CTNNA2: variants seen among roughly 807,000 people sequenced by gnomAD.
CTNNA2 encodes catenin alpha-2.
In CTNNA2, 42 loss-of-function variants were observed where a neutral mutation model predicts 101.0. That is an observed-to-expected ratio of 0.42 (90% CI 0.32 to 0.54). The LOEUF (loss-of-function observed/expected upper bound fraction) is 0.54. Among genes scored for constraint, CTNNA2 ranks in the 20% least tolerant of loss-of-function variants. The pLI, the probability that CTNNA2 is intolerant of heterozygous loss-of-function variation, is 0.14. For missense variants in CTNNA2, 871 were observed against 1,223.1 expected (o/e 0.71, Z 4.29); for synonymous variants, 450 against 456.4 (o/e 0.99, Z 0.18).
At chr2:80,465,719 A>G (rs58549333) in intron 9 of CTNNA2, among the ~76,000 whole-genome samples, 52,767 of 152,054 alleles carry the variant, frequency 0.35, 9,986 homozygotes, top group East Asian at 0.66. Flanking sequence ...TTTCTTTTAA[A>G]TAAGGGACTA....
At chr2:79,841,872 A>T (rs1679843296) in intron 3 of CTNNA2, among the ~76,000 whole-genome samples, 1 of 152,218 alleles carries the variant, frequency 6.6e-6, no homozygotes, top group South Asian at 2.1e-4. Flanking sequence ...ACAGAACAAA[A>T]AGGATTTGGG....
At chr2:79,450,442 C>T (rs557884824) in intron 4 of CTNNA2, among the ~76,000 whole-genome samples, 1 of 152,034 alleles carries the variant, frequency 6.6e-6, no homozygotes, top group Admixed American at 6.6e-5. Flanking sequence ...AAGGCATTGT[C>T]TAACATGGCC....
At chr2:79,728,895 G>A (rs1204508096) in intron 2 of CTNNA2, among the ~76,000 whole-genome samples, 1 of 152,056 alleles carries the variant, frequency 6.6e-6, no homozygotes, top group Non-Finnish European at 1.5e-5. Flanking sequence ...TAGATATGCG[G>A]CGTTATTTTC....
intron 9 of CTNNA2, among the ~76,000 whole-genome samples, chr2:80,518,779 GCTT>G (rs1351016083): frequency 2.0e-5 from 3 of 151,978 alleles, no homozygotes; most frequent in African/African-American, 7.3e-5. Context: ...GAATCTGTAA[GCTT>G]CTTTTTGTTA....
intron 15 of CTNNA2, among the ~76,000 whole-genome samples, chr2:80,603,184 T>C (rs1697706747): frequency 6.6e-6 from 1 of 152,090 alleles, no homozygotes; most frequent in Non-Finnish European, 1.5e-5. Flanking sequence ...ATGCTAAAAA[T>C]GATAAACATA....
chr2:80,359,775 T>C (rs75912134), intron 7 of CTNNA2, among the ~76,000 whole-genome samples: 4,425 of 152,242 alleles, frequency 0.029, 117 homozygotes, highest in African/African-American at 0.066. Flanking sequence ...ACTAATATGC[T>C]GTCTTAATTA....
intron 1 of CTNNA2, among the ~76,000 whole-genome samples, chr2:79,625,395 G>A (rs1415820376): frequency 1.3e-5 from 2 of 152,050 alleles, no homozygotes; most frequent in Non-Finnish European, 2.9e-5. Context: ...AGAGTGTAGA[G>A]TCATATTAGG....
chr2:79,708,611 TATTAA>T (rs1397103445), intron 2 of CTNNA2, among the ~76,000 whole-genome samples: 2 of 152,170 alleles, frequency 1.3e-5, no homozygotes, highest in African/African-American at 2.4e-5. Flanking sequence ...TTACATACTA[TATTAA>T]ATTAAAATTA....
rs1424594937 is a variant in CTNNA2 at position 79,982,255 on chromosome 2, C to T, written c.1056+72458C>T. Among the ~76,000 whole-genome samples the T allele has an allele frequency of 8.7e-4, 55 of 63,168 alleles. 1 individual carries two copies. The East Asian group carries it at 9.3e-3, about 11-fold the overall frequency. 41.4% of individuals were successfully genotyped at this position (63,168 alleles called of 152,430 possible). On this transcript the variant is annotated intron_variant, in intron 7 of 18. Coordinates refer to ENST00000402739, the MANE Select transcript of CTNNA2 (RefSeq NM_001282597.3). ...ATATATATATATGTATGTATATGTA[C>T]ACACACACATAACATATATATAATA...
chr2:80,600,060 T>C (rs1237118516), intron 15 of CTNNA2, among the ~76,000 whole-genome samples: 4 of 151,914 alleles, frequency 2.6e-5, no homozygotes, highest in African/African-American at 7.3e-5. Flanking sequence ...CATTTACTTA[T>C]ACAGAATTTA....
chr2:80,305,432 C>T (rs1474033832), intron 7 of CTNNA2: 1 of 957,882 alleles, frequency 1.0e-6, no homozygotes, highest in Non-Finnish European at 1.2e-6. Flanking sequence ...TACTGTCTGA[C>T]ATGGGGAGGG....
intron 7 of CTNNA2, among the ~76,000 whole-genome samples, chr2:80,284,898 G>A (rs1263340935): frequency 6.6e-6 from 1 of 152,082 alleles, no homozygotes; most frequent in Non-Finnish European, 1.5e-5. Flanking sequence ...AGGTCTAGAG[G>A]TGGATCCCCC....
intron 2 of CTNNA2, among the ~76,000 whole-genome samples, chr2:79,293,435 C>G (rs1675882307): frequency 6.6e-6 from 1 of 152,080 alleles, no homozygotes; most frequent in African/African-American, 2.4e-5. Flanking sequence ...CTCAGAAAAT[C>G]ATACTACAGT....
intron 18 of CTNNA2, among the ~76,000 whole-genome samples, chr2:80,645,588 T>TC (rs1673991440): frequency 1.5e-5 from 2 of 136,560 alleles, no homozygotes; most frequent in African/African-American, 5.5e-5. Context: ...CAGTAAGTTT[T>TC]GGATTGGGCC....
At chr2:79,932,282 G>GA (rs1687502244) in intron 7 of CTNNA2, among the ~76,000 whole-genome samples, 1 of 152,126 alleles carries the variant, frequency 6.6e-6, no homozygotes, top group Non-Finnish European at 1.5e-5. Flanking sequence ...TGGAAAAGAA[G>GA]AATGATGAGA....
intron 12 of CTNNA2, among the ~76,000 whole-genome samples, chr2:80,565,796 C>T (rs1363315491): frequency 6.6e-6 from 1 of 152,096 alleles, no homozygotes; most frequent in Non-Finnish European, 1.5e-5. Context: ...GCCTAGAGTA[C>T]TGCTTAGATT....
At chr2:80,238,479 G>C (rs533955792) in intron 7 of CTNNA2, among the ~76,000 whole-genome samples, 2 of 152,130 alleles carry the variant, frequency 1.3e-5, no homozygotes, top group Non-Finnish European at 2.9e-5. Flanking sequence ...TTATGAAGCT[G>C]GGAAAGGGAA....
intron 2 of CTNNA2, among the ~76,000 whole-genome samples, chr2:79,301,589 A>T: frequency 6.6e-6 from 1 of 152,226 alleles, no homozygotes; most frequent in South Asian, 2.1e-4. Context: ...TCCAACACTT[A>T]CAGATTATTT....
intron 9 of CTNNA2, among the ~76,000 whole-genome samples, chr2:80,424,249 C>G (rs550685789): frequency 6.6e-6 from 1 of 152,134 alleles, no homozygotes; most frequent in Non-Finnish European, 1.5e-5. Flanking sequence ...CCACCGTGCC[C>G]GGCCCAGCAA....
Sources: gnomAD v4.1 joint callset for allele counts (sites outside exome capture counted in the v4.1 genomes callset) on GRCh38, gnomAD v4.1.1 for gene constraint, MANE v1.5 for transcripts, NCBI Gene and HGNC (gene_info 2026-07-23, HGNC 2026-07-21) for gene names.